The following KIF16B variants were observed in gnomAD, a reference collection of about 807,000 sequenced individuals.
The protein encoded by KIF16B is kinesin family member 16B.
Under a neutral mutation model 156.3 loss-of-function variants are expected in KIF16B, and 98 were observed. That is an observed-to-expected ratio of 0.63 (90% CI 0.53 to 0.74). The LOEUF (loss-of-function observed/expected upper bound fraction) is 0.74. Among genes scored for constraint, KIF16B ranks in the 30% least tolerant of loss-of-function variants. The probability of loss-of-function intolerance (pLI) is 0.00; values close to 1 mark genes in which losing one functional copy is unlikely to be tolerated. For synonymous variants in KIF16B, 564 were observed against 583.7 expected (o/e 0.97, Z 0.49); for missense variants, 1,421 against 1,606.5 (o/e 0.88, Z 1.97).
chr20:16,425,575 G>A (rs1401563107), intron 15 of KIF16B, among the ~76,000 whole-genome samples: 1 of 152,194 alleles, frequency 6.6e-6, no homozygotes, highest in South Asian at 2.1e-4. Context: ...CAATATCAAA[G>A]TACCTTCAAT....
intron 11 of KIF16B, among the ~76,000 whole-genome samples, chr20:16,496,652 T>C (rs1237848025): frequency 1.3e-5 from 2 of 152,204 alleles, no homozygotes; most frequent in Admixed American, 6.5e-5. Flanking sequence ...CAATAACTTA[T>C]TTGGTATTCA....
intron 24 of KIF16B, among the ~76,000 whole-genome samples, chr20:16,325,522 A>C: frequency 6.6e-6 from 1 of 150,930 alleles, no homozygotes; most frequent in East Asian, 2.0e-4. Context: ...CCAAGCGGAG[A>C]ATCAAATCAA....
intron 12 of KIF16B, among the ~76,000 whole-genome samples, chr20:16,489,235 G>T (rs1209201151): frequency 2.0e-5 from 3 of 152,150 alleles, no homozygotes; most frequent in Non-Finnish European, 4.4e-5. Flanking sequence ...AGAGGTACCT[G>T]CTGCTGGGGA....
At chr20:16,431,052 T>C (rs2066486231) in intron 12 of KIF16B, among the ~76,000 whole-genome samples, 1 of 152,114 alleles carries the variant, frequency 6.6e-6, no homozygotes, top group African/African-American at 2.4e-5. Flanking sequence ...CTAAATACCA[T>C]GCTTACACTT....
At chr20:16,465,725 A>G (rs2067472189) in intron 12 of KIF16B, among the ~76,000 whole-genome samples, 1 of 152,210 alleles carries the variant, frequency 6.6e-6, no homozygotes, top group Admixed American at 6.5e-5. Flanking sequence ...TAAGTTCTAA[A>G]TAGCCAAGGC....
intron 12 of KIF16B, among the ~76,000 whole-genome samples, chr20:16,462,989 C>CA (rs1279497633): frequency 6.6e-6 from 1 of 152,174 alleles, no homozygotes; most frequent in African/African-American, 2.4e-5. Context: ...AGTTTCTTCC[C>CA]ACGCTATGCA....
chr20:16,556,445 G>A (rs1362794174), intron 1 of KIF16B, among the ~76,000 whole-genome samples: 2 of 152,174 alleles, frequency 1.3e-5, no homozygotes, highest in African/African-American at 2.4e-5. Context: ...GTAAATGCTT[G>A]CTGAGTGAAT....
At chr20:16,427,742 A>C (rs2066393758) in intron 14 of KIF16B, among the ~76,000 whole-genome samples, 1 of 152,114 alleles carries the variant, frequency 6.6e-6, no homozygotes, top group South Asian at 2.1e-4. Context: ...TGAAAAGCCC[A>C]AGAGGCCTTC....
intron 3 of KIF16B, among the ~76,000 whole-genome samples, chr20:16,519,022 A>G (rs16997807): frequency 0.11 from 16,157 of 152,196 alleles, 1,067 homozygotes; most frequent in East Asian, 0.33. Flanking sequence ...TACTATTAAA[A>G]GTCAATTAGG....
chr20:16,513,683 AC>A (rs1202073038), intron 4 of KIF16B, among the ~76,000 whole-genome samples: 171 of 134,392 alleles, frequency 1.3e-3, no homozygotes, highest in African/African-American at 4.7e-3. Flanking sequence ...AAAAAAAAAA[AC>A]CACATGCTAT....
intron 12 of KIF16B, among the ~76,000 whole-genome samples, chr20:16,475,784 C>A (rs2067793132): frequency 6.6e-6 from 1 of 152,164 alleles, no homozygotes; most frequent in African/African-American, 2.4e-5. Flanking sequence ...TAATAGCAAG[C>A]TAATCAAAAT....
At chr20:16,541,825 G>C (rs1318064788) in intron 1 of KIF16B, among the ~76,000 whole-genome samples, 1 of 152,200 alleles carries the variant, frequency 6.6e-6, no homozygotes. Flanking sequence ...GGCAGTCCTG[G>C]GGCTAGCGTG....
intron 1 of KIF16B, among the ~76,000 whole-genome samples, chr20:16,545,608 T>C (rs957561207): frequency 5.3e-5 from 8 of 152,146 alleles, no homozygotes; most frequent in Non-Finnish European, 7.4e-5. Context: ...GAGGTTGTAG[T>C]GAGCCGAGAT....
intron 25 of KIF16B, among the ~76,000 whole-genome samples, chr20:16,298,852 T>C (rs939721101): frequency 2.0e-5 from 3 of 150,754 alleles, no homozygotes; most frequent in Non-Finnish European, 4.4e-5. Flanking sequence ...ACCCAGAACA[T>C]GAGGAATTCA....
intron 3 of KIF16B, among the ~76,000 whole-genome samples, chr20:16,521,275 A>G (rs547266404): frequency 6.6e-6 from 1 of 152,208 alleles, no homozygotes; most frequent in Non-Finnish European, 1.5e-5. Context: ...ACCTTGAAAA[A>G]GGGTTAGACG....
chr20:16,429,655 T>C (rs746624960), intron 13 of KIF16B, among the ~76,000 whole-genome samples: 5 of 152,194 alleles, frequency 3.3e-5, no homozygotes, highest in Non-Finnish European at 7.3e-5. Context: ...CAATGGCTCA[T>C]CATTTAACTT....
intron 1 of KIF16B, among the ~76,000 whole-genome samples, chr20:16,550,528 CTTTTTT>C (rs745923425): frequency 2.9e-5 from 3 of 103,496 alleles, no homozygotes; most frequent in African/African-American, 7.9e-5. Flanking sequence ...ATGAAACATT[CTTTTTT>C]TTTTTTTTTT....
chr20:16,284,701 T>C (rs2063197892), intron 25 of KIF16B, among the ~76,000 whole-genome samples: 1 of 151,352 alleles, frequency 6.6e-6, no homozygotes, highest in African/African-American at 2.4e-5. Flanking sequence ...CACCGGGGGG[T>C]CATTCTTAGA....
In KIF16B at chr20:16,476,077, C is replaced by A. The variant is rs115050199; in HGVS notation, c.1302+18214G>T. On this transcript the variant is annotated intron_variant, in intron 12 of 25. Coordinates refer to ENST00000354981, the MANE Select transcript of KIF16B (RefSeq NM_024704.5). ...ATGGTATTGACAGTGGTATCTGTCA[C>A]GTCTTCAGACAACTCCACTACCAAG... Among the ~76,000 whole-genome samples the A allele has an allele frequency of 1.2e-4, 18 of 152,344 alleles. No individual in the cohort carries two copies. In the South Asian group the frequency reaches 3.7e-3, roughly 32 times the overall value.
Sources: gnomAD v4.1 joint callset for allele counts (sites outside exome capture counted in the v4.1 genomes callset) on GRCh38, gnomAD v4.1.1 for gene constraint, MANE v1.5 for transcripts, NCBI Gene and HGNC (gene_info 2026-07-23, HGNC 2026-07-21) for gene names.